The following CMTR1 variants were observed in gnomAD, a reference collection of about 807,000 sequenced individuals.
CMTR1 encodes cap methyltransferase 1.
CMTR1 carries 39 observed loss-of-function variants against 107.0 expected under a neutral mutation model. That is an observed-to-expected ratio of 0.36 (90% CI 0.28 to 0.48). The LOEUF (loss-of-function observed/expected upper bound fraction) is 0.48, where lower values mean the gene tolerates loss of function less well. Ranked by LOEUF, CMTR1 falls within the 20% of genes least tolerant of loss-of-function variation. The pLI is 0.99. For missense variants in CMTR1, 672 were observed against 1,064.9 expected (o/e 0.63, Z 5.14); for synonymous variants, 366 against 379.5 (o/e 0.96, Z 0.41).
chr6:37,464,746 C>T lies in CMTR1; in HGVS notation c.1505+1738C>T, dbSNP rs534500114. Among the ~76,000 whole-genome samples, 5 of 151,958 alleles carry T rather than the reference C, an allele frequency of 3.3e-5. No homozygotes were observed. The East Asian group carries it at 7.7e-4, about 23-fold the overall frequency. ...AGATATTTCCAGTTTGGGGCTGTTA[C>T]GAATAAAGCTGATACAGACATTCTT... is the stretch of plus-strand genomic sequence containing the variant. On this transcript the variant is annotated intron_variant, in intron 13 of 23. Transcript: ENST00000373451.
upstream of CMTR1, among the ~76,000 whole-genome samples, chr6:37,430,476 C>T (rs889573685): frequency 6.6e-6 from 1 of 151,546 alleles, no homozygotes; most frequent in Admixed American, 6.6e-5. Context: ...TCCTCTCATT[C>T]TGTGGTTTGA....
At chr6:37,469,164 A>G (rs967399610) in intron 13 of CMTR1, among the ~76,000 whole-genome samples, 2 of 152,014 alleles carry the variant, frequency 1.3e-5, no homozygotes, top group Non-Finnish European at 2.9e-5. Flanking sequence ...AAACAAAACA[A>G]AAAACTATTT....
chr6:37,441,183 C>A (rs114291320), intron 2 of CMTR1, among the ~76,000 whole-genome samples: 669 of 152,248 alleles, frequency 4.4e-3, no homozygotes, highest in South Asian at 0.017. Context: ...TGAAGAGAAT[C>A]CATACCTTTG....
the CMTR1 span, among the ~76,000 whole-genome samples, chr6:37,428,024 G>C: frequency 1.6e-5 from 2 of 125,248 alleles, no homozygotes; most frequent in Admixed American, 7.7e-5. Context: ...GAGAGAGAGA[G>C]AGAGAGAGAG....
intron 13 of CMTR1, among the ~76,000 whole-genome samples, chr6:37,463,917 C>T (rs1761451856): frequency 1.3e-5 from 2 of 152,174 alleles, no homozygotes; most frequent in Non-Finnish European, 1.5e-5. Context: ...GGCCCAGCGA[C>T]CCGCCTGGCT....
intron 2 of CMTR1, among the ~76,000 whole-genome samples, chr6:37,440,528 T>C (rs1209722128): frequency 1.3e-5 from 2 of 152,222 alleles, no homozygotes; most frequent in Admixed American, 6.5e-5. Flanking sequence ...TATTTGCTTA[T>C]CTAGCACACT....
intron 2 of CMTR1, among the ~76,000 whole-genome samples, chr6:37,436,735 A>G (rs1348363616): frequency 1.3e-5 from 2 of 152,088 alleles, no homozygotes; most frequent in Non-Finnish European, 2.9e-5. Context: ...GTAATCTAGT[A>G]TTACATTTGA....
At chr6:37,446,576 C>T (rs761284742) in intron 4 of CMTR1, 127 bp downstream of exon 4, 51 of 1,096,496 alleles carry the variant, frequency 4.7e-5, no homozygotes, top group Admixed American at 9.5e-5. Flanking sequence ...TAGTTTTTTA[C>T]GTGGAAAGTA....
chr6:37,471,900 G>A lies in CMTR1; in HGVS notation c.1616G>A (p.Trp539Ter). 6.2e-7 allele frequency: 1 copy of A among 1,612,634 alleles called. No individual in the cohort carries two copies. The highest frequency in any genetic ancestry group is 1.3e-5 in the African/African-American group (1 of 74,982). ...ATACGGAAGGAGTGCCTCCGACTCT[G>A]GGGGGTGAGTATCTCCCCCGCCCAT... is the stretch of plus-strand genomic sequence containing the variant. Reference protein sequence around the residue: ...AEIRKECLRLWGIPDQARVAP... With the variant: ...AEIRKECLRL The change falls in exon 15 of 24, where the codon TGG becomes TAG. Residue 539 changes from tryptophan (W) to a stop codon, truncating the protein, a stop_gained. Coordinates refer to ENST00000373451, the MANE Select transcript of CMTR1 (RefSeq NM_015050.3). LOFTEE classifies it high-confidence loss of function.
At chr6:37,469,731 T>C (rs1194627090) in intron 13 of CMTR1, among the ~76,000 whole-genome samples, 5 of 151,878 alleles carry the variant, frequency 3.3e-5, no homozygotes, top group Non-Finnish European at 7.4e-5. Context: ...TTTTGCTATG[T>C]TGGTCAGTCT....
chr6:37,462,240 T>C, intron 12 of CMTR1, 138 bp downstream of exon 12: 1 of 1,020,192 alleles, frequency 9.8e-7, no homozygotes, highest in Non-Finnish European at 1.5e-6. Context: ...GCCAACAGGA[T>C]TCAGGATTCC....
chr6:37,437,652 G>GA (rs1282514998), intron 2 of CMTR1, among the ~76,000 whole-genome samples: 1 of 152,132 alleles, frequency 6.6e-6, no homozygotes, highest in Admixed American at 6.5e-5. Flanking sequence ...TTCCAGGGTA[G>GA]GTAGGAATTG....
upstream of CMTR1, among the ~76,000 whole-genome samples, chr6:37,429,400 T>C (rs1261229196): frequency 6.6e-6 from 1 of 152,192 alleles, no homozygotes; most frequent in Non-Finnish European, 1.5e-5. Context: ...TTAAGTGTTG[T>C]TGAAAGAAAA....
At position 37,480,513 on chromosome 6, in the gene CMTR1, C is replaced by T. The variant is rs1378108669; in HGVS notation, c.*368C>T. On this transcript the variant is annotated 3_prime_UTR_variant, in exon 24 of 24. Coordinates refer to ENST00000373451, the MANE Select transcript of CMTR1 (RefSeq NM_015050.3). ...TCCTGCATCCTGTAGACTCACTTTT[C>T]TGAGTTCCATGCACTGCCCTGAGGG... 3.7e-6 allele frequency: 4 copies of T among 1,091,460 alleles called. No homozygotes were observed. The African/African-American group carries it at 5.1e-5, about 14-fold the overall frequency. The allele number at this position is 1,091,460 out of a possible 1,614,324, so 67.6% of individuals were successfully genotyped here.
intron 14 of CMTR1, 74 bp downstream of exon 14, chr6:37,471,151 GT>G: frequency 2.9e-6 from 4 of 1,357,488 alleles, no homozygotes; most frequent in Middle Eastern, 1.9e-4. Context: ...CAAGCTGTTT[GT>G]TTTTTTCATT....
chr6:37,431,433 A>G (rs1021893389), upstream of CMTR1, among the ~76,000 whole-genome samples: 7 of 152,242 alleles, frequency 4.6e-5, no homozygotes, highest in Non-Finnish European at 1.0e-4. Context: ...TCTTGAACAT[A>G]TCACTCAACC....
chr6:37,472,465 C>A lies in CMTR1; in HGVS notation c.1667C>A (p.Ser556Ter). ...RVAPSSSDPK[S>*]KFFELIQGTE... The stretch of plus-strand genomic sequence containing the variant: ...GCTCCTTCTTCCTCCGACCCTAAAT[C>A]GAAGTTCTTTGAGCTAATCCAGGTA... Residue 556 changes from serine to a stop codon, truncating the protein, a stop_gained, in exon 16 of 24, where the codon TCG becomes TAG. Coordinates refer to ENST00000373451, the MANE Select transcript of CMTR1 (RefSeq NM_015050.3). LOFTEE classifies it high-confidence loss of function. This position sits in a 1 kb window ranked among gnomAD's most constrained non-coding sequence, Gnocchi z 4.1. 1 of 1,614,120 alleles carries A rather than the reference C, an allele frequency of 6.2e-7. No homozygotes were observed. Among genetic ancestry groups the A allele is most frequent in the South Asian group, 1.1e-5 (1 of 91,068 alleles).
At position 37,481,262 on chromosome 6, in the gene CMTR1, T is replaced by G. The variant is rs1349904941; in HGVS notation, c.*1117T>G. On this transcript the variant is annotated 3_prime_UTR_variant, in exon 24 of 24. Transcript: ENST00000373451. ...GTGGTTGTTTTTAATGGGAAATACC[T>G]CTCAGAGATGTTCATGCAGGCTCCC... 7.8e-7 allele frequency: 1 copy of G among 1,275,626 alleles called. No individual in the cohort carries two copies. Among genetic ancestry groups the G allele is most frequent in the Non-Finnish European group, 1.0e-6 (1 of 978,600 alleles). 79.0% of individuals were successfully genotyped at this position (1,275,626 alleles called of 1,614,324 possible). A position where few individuals can be genotyped will look rare whatever the true frequency, so the allele number is the denominator to read the frequency against.
intron 5 of CMTR1, among the ~76,000 whole-genome samples, chr6:37,450,777 T>C (rs1398014290): frequency 6.6e-6 from 1 of 152,208 alleles, no homozygotes; most frequent in Non-Finnish European, 1.5e-5. Context: ...ATCAATATGG[T>C]CTAGAGGGCA....
Sources: allele counts gnomAD v4.1 joint callset (sites outside exome capture counted in the v4.1 genomes callset), GRCh38; gene constraint gnomAD v4.1.1; non-coding constraint Gnocchi (gnomAD v3.1); transcripts MANE v1.5; gene names NCBI Gene and HGNC (gene_info 2026-07-23, HGNC 2026-07-21).